The following POU2AF2 variants were observed in gnomAD, a reference collection of about 807,000 sequenced individuals.
POU2AF2 encodes POU domain class 2-associating factor 2.
the POU2AF2 span, among the ~76,000 whole-genome samples, chr11:111,274,877 G>A: frequency 1.3e-4 from 20 of 152,050 alleles, no homozygotes; most frequent in South Asian, 1.9e-3. Flanking sequence ...TACCACCATC[G>A]CCACAACCAA....
chr11:111,272,598 A>C, the POU2AF2 span, among the ~76,000 whole-genome samples: 1 of 152,206 alleles, frequency 6.6e-6, no homozygotes, highest in Non-Finnish European at 1.5e-5. Flanking sequence ...TGGCACCAGG[A>C]AATGCTAGTC....
At chr11:111,283,822 T>C in the POU2AF2 span, among the ~76,000 whole-genome samples, 1 of 152,136 alleles carries the variant, frequency 6.6e-6, no homozygotes, top group Admixed American at 6.5e-5. Context: ...ACTCAGTAAA[T>C]GTGAATGAAT....
chr11:111,248,327 G>A, the POU2AF2 span, among the ~76,000 whole-genome samples: 2 of 152,276 alleles, frequency 1.3e-5, 1 homozygote, highest in Middle Eastern at 6.8e-3. Flanking sequence ...GGATAGTGGG[G>A]TGAGGGGAGG....
the POU2AF2 span, among the ~76,000 whole-genome samples, chr11:111,268,474 C>CTTTT: frequency 6.9e-4 from 49 of 70,826 alleles, no homozygotes; most frequent in South Asian, 2.5e-3. Flanking sequence ...CTACATTTTT[C>CTTTT]TTTTTTTATT....
the POU2AF2 span, among the ~76,000 whole-genome samples, chr11:111,257,090 G>A: frequency 5.9e-5 from 9 of 152,194 alleles, no homozygotes; most frequent in Non-Finnish European, 1.3e-4. Flanking sequence ...ATTCTATCAA[G>A]TAAAATATAA....
chr11:111,264,679 GGAGA>G, the POU2AF2 span, among the ~76,000 whole-genome samples: 1 of 143,914 alleles, frequency 6.9e-6, no homozygotes, highest in Non-Finnish European at 1.5e-5. Flanking sequence ...GAGGAAGGAA[GGAGA>G]GAGAAAGACA....
the POU2AF2 span, among the ~76,000 whole-genome samples, chr11:111,253,459 C>G: frequency 3.9e-5 from 6 of 152,192 alleles, no homozygotes; most frequent in Non-Finnish European, 8.8e-5. Context: ...GTACTGAGAG[C>G]AATTCCATGG....
At chr11:111,274,845 G>A in the POU2AF2 span, among the ~76,000 whole-genome samples, 3 of 152,020 alleles carry the variant, frequency 2.0e-5, no homozygotes, top group Non-Finnish European at 4.4e-5. Context: ...TATCAGAAAG[G>A]CCCTTGTCTA....
the POU2AF2 span, among the ~76,000 whole-genome samples, chr11:111,255,735 T>C: frequency 7.9e-5 from 12 of 152,246 alleles, no homozygotes; most frequent in African/African-American, 2.9e-4. Flanking sequence ...AGGAAGGGAC[T>C]TTGAAGAGCT....
chr11:111,262,408 G>A, the POU2AF2 span, among the ~76,000 whole-genome samples: 13 of 152,194 alleles, frequency 8.5e-5, no homozygotes, highest in Non-Finnish European at 1.8e-4. Context: ...TTGGACGTTT[G>A]TTTAGTTACA....
At chr11:111,266,987 T>G in the POU2AF2 span, among the ~76,000 whole-genome samples, 1 of 152,174 alleles carries the variant, frequency 6.6e-6, no homozygotes, top group African/African-American at 2.4e-5. Flanking sequence ...AGATTTCCTG[T>G]GTGATGGGTG....
chr11:111,284,213 G>A, the POU2AF2 span: 1 of 1,614,086 alleles, frequency 6.2e-7, no homozygotes, highest in East Asian at 2.2e-5. Flanking sequence ...GTCCTCCGCA[G>A]GGCAGAGCCA....
chr11:111,279,405 C>A, the POU2AF2 span, among the ~76,000 whole-genome samples: 2 of 152,210 alleles, frequency 1.3e-5, no homozygotes, highest in Non-Finnish European at 2.9e-5. Context: ...ATAGATAGCT[C>A]TAGAGGCTAG....
the POU2AF2 span, among the ~76,000 whole-genome samples, chr11:111,281,951 G>A: frequency 6.6e-5 from 10 of 152,236 alleles, no homozygotes; most frequent in South Asian, 1.5e-3. Context: ...CAACTCAGAC[G>A]CGGCACATTC....
the POU2AF2 span, among the ~76,000 whole-genome samples, chr11:111,252,185 G>A: frequency 6.6e-6 from 1 of 152,158 alleles, no homozygotes; most frequent in Non-Finnish European, 1.5e-5. Flanking sequence ...ATCGACCTCA[G>A]TCAGTCAGAT....
chr11:111,258,874 T>G, the POU2AF2 span, among the ~76,000 whole-genome samples: 1 of 152,226 alleles, frequency 6.6e-6, no homozygotes, highest in African/African-American at 2.4e-5. Context: ...AAGGTTTTTA[T>G]CTCTCTTCAG....
the POU2AF2 span, among the ~76,000 whole-genome samples, chr11:111,281,237 T>C: frequency 2.0e-5 from 3 of 152,230 alleles, no homozygotes; most frequent in African/African-American, 7.2e-5. Flanking sequence ...CTTTGTTCTA[T>C]GGTACTTGAA....
At chr11:111,266,717 T>G in the POU2AF2 span, among the ~76,000 whole-genome samples, 1 of 152,216 alleles carries the variant, frequency 6.6e-6, no homozygotes. Flanking sequence ...CATTTATCTA[T>G]TTTAAAATAT....
chr11:111,250,690 G>T, the POU2AF2 span, among the ~76,000 whole-genome samples: 1 of 152,012 alleles, frequency 6.6e-6, no homozygotes, highest in Non-Finnish European at 1.5e-5. Context: ...CTAGAATAGA[G>T]TAAGGGGATC....
Sources: gnomAD v4.1 joint callset for allele counts (sites outside exome capture counted in the v4.1 genomes callset) on GRCh38, gnomAD v4.1.1 for gene constraint, MANE v1.5 for transcripts, NCBI Gene and HGNC (gene_info 2026-07-23, HGNC 2026-07-21) for gene names.